Variants in NEK11 observed in about 807,000 individuals in gnomAD.
The protein encoded by NEK11 is serine/threonine-protein kinase Nek11.
Under a neutral mutation model 80.7 loss-of-function variants are expected in NEK11, and 72 were observed. That is an observed-to-expected ratio of 0.89 (90% CI 0.74 to 1.08). The LOEUF (loss-of-function observed/expected upper bound fraction) is 1.08. Ranked by LOEUF, NEK11 falls within the 50% of genes least tolerant of loss-of-function variation. NEK11 has a pLI of 0.00. For missense variants in NEK11, 764 were observed against 763.6 expected (o/e 1.00, Z -0.01); for synonymous variants, 251 against 260.7 (o/e 0.96, Z 0.36).
chr3:131,114,272 A>G (rs2080648717), intron 5 of NEK11, among the ~76,000 whole-genome samples: 1 of 150,306 alleles, frequency 6.7e-6, no homozygotes, highest in South Asian at 2.1e-4. Flanking sequence ...TTTTTTTAGC[A>G]TATGGCATAA....
chr3:131,064,161 A>G (rs543161923), intron 3 of NEK11, among the ~76,000 whole-genome samples: 10 of 152,298 alleles, frequency 6.6e-5, no homozygotes, highest in Admixed American at 3.3e-4. Flanking sequence ...GCCAGGGGCT[A>G]TGGAGAGTGG....
chr3:131,155,583 CT>C (rs1466276393), intron 10 of NEK11, among the ~76,000 whole-genome samples: 1 of 152,176 alleles, frequency 6.6e-6, no homozygotes, highest in Non-Finnish European at 1.5e-5. Flanking sequence ...CACATAAGAA[CT>C]AAACATTGTA....
chr3:131,130,933 C>T (rs1338156672), intron 5 of NEK11, among the ~76,000 whole-genome samples: 1 of 152,160 alleles, frequency 6.6e-6, no homozygotes, highest in Non-Finnish European at 1.5e-5. Context: ...TCACAAGTAG[C>T]TGGGATTACA....
chr3:131,279,711 C>T (rs977446083), intron 17 of NEK11, among the ~76,000 whole-genome samples: 4 of 152,124 alleles, frequency 2.6e-5, no homozygotes, highest in African/African-American at 7.2e-5. Flanking sequence ...GCATCATAGA[C>T]CCCCATTGTA....
Position 131,054,747 on chromosome 3 carries a change from T to TATAAATAA in NEK11, c.170+24869_170+24870insATAAATAA, listed in dbSNP as rs1398638770. On this transcript the variant is annotated intron_variant, in intron 3 of 17. Coordinates refer to ENST00000383366, the MANE Select transcript of NEK11 (RefSeq NM_024800.5). ...ACTCCAGCCTGGGTGACAGCCTGCCTCTAAATAAATAAATAAATAAATAAA... is the reference window on the plus strand; with the variant it reads ...ACTCCAGCCTGGGTGACAGCCTGCCTATAAATAACTAAATAAATAAATAAATAAATAAA... Among the ~76,000 whole-genome samples the TATAAATAA allele has an allele frequency of 1.1e-4, 14 of 124,074 alleles. No individual in the cohort carries two copies. In the East Asian group the frequency reaches 1.4e-3, roughly 12 times the overall value. The allele number at this position is 124,074 out of a possible 152,430, so 81.4% of individuals were successfully genotyped here.
intron 14 of NEK11, among the ~76,000 whole-genome samples, chr3:131,216,239 C>T (rs139717486): frequency 2.6e-5 from 4 of 152,262 alleles, no homozygotes; most frequent in East Asian, 3.9e-4. Flanking sequence ...CTTCCTAGAC[C>T]CAGACCAGGA....
intron 14 of NEK11, among the ~76,000 whole-genome samples, chr3:131,228,224 A>T (rs190394199): frequency 6.6e-6 from 1 of 152,326 alleles, no homozygotes; most frequent in East Asian, 1.9e-4. Context: ...ATTTTTAATA[A>T]GGATTCATGC....
chr3:131,126,395 A>G (rs551041177), intron 5 of NEK11, among the ~76,000 whole-genome samples: 62 of 152,222 alleles, frequency 4.1e-4, no homozygotes, highest in African/African-American at 1.4e-3. Context: ...TTGTTTGAAA[A>G]TGTTTTTATT....
chr3:131,189,996 T>C (rs1264776388), intron 14 of NEK11, among the ~76,000 whole-genome samples: 1 of 152,206 alleles, frequency 6.6e-6, no homozygotes. Flanking sequence ...ACCGTAAGAC[T>C]TTATATCTCT....
intron 4 of NEK11, among the ~76,000 whole-genome samples, chr3:131,081,079 C>T (rs778266904): frequency 2.0e-5 from 3 of 152,170 alleles, no homozygotes; most frequent in Non-Finnish European, 4.4e-5. Context: ...CATCGCTCTC[C>T]AGCCTGGGCG....
At chr3:131,115,383 A>T (rs975719209) in intron 5 of NEK11, among the ~76,000 whole-genome samples, 2 of 152,158 alleles carry the variant, frequency 1.3e-5, no homozygotes, top group Admixed American at 1.3e-4. Context: ...TTCATAATAA[A>T]TCATTTATCA....
At chr3:131,201,418 T>G (rs777763729) in intron 14 of NEK11, among the ~76,000 whole-genome samples, 9 of 152,166 alleles carry the variant, frequency 5.9e-5, no homozygotes, top group Non-Finnish European at 1.2e-4. Context: ...GCTTTATATT[T>G]ATTATATTGC....
At chr3:131,166,882 A>G (rs2092287274) in intron 12 of NEK11, among the ~76,000 whole-genome samples, 1 of 152,022 alleles carries the variant, frequency 6.6e-6, no homozygotes. Context: ...CTTCCCACAC[A>G]CTTCTAGGCC....
At chr3:131,261,258 T>C (rs1005963592) in intron 16 of NEK11, among the ~76,000 whole-genome samples, 2 of 152,332 alleles carry the variant, frequency 1.3e-5, no homozygotes, top group Non-Finnish European at 1.5e-5. Context: ...AATTGCCAAA[T>C]GTGTCTTCGT....
At chr3:131,346,200 T>TA (rs1266586351) in intron 17 of NEK11, among the ~76,000 whole-genome samples, 4 of 152,208 alleles carry the variant, frequency 2.6e-5, no homozygotes, top group Admixed American at 1.3e-4. Flanking sequence ...GTTCTTGTCA[T>TA]AAAAAAGTAA....
chr3:131,156,937 G>A (rs1258649033), intron 10 of NEK11, among the ~76,000 whole-genome samples: 4 of 150,074 alleles, frequency 2.7e-5, no homozygotes, highest in Non-Finnish European at 4.4e-5. Flanking sequence ...AAGAGGCTGT[G>A]AGCATTCCAC....
At chr3:131,085,178 T>C (rs2075809196) in intron 4 of NEK11, among the ~76,000 whole-genome samples, 1 of 152,206 alleles carries the variant, frequency 6.6e-6, no homozygotes, top group South Asian at 2.1e-4. Flanking sequence ...TCTCCTCTAA[T>C]AGGAAAAAAT....
chr3:131,247,571 T>A (rs980810859), intron 16 of NEK11, among the ~76,000 whole-genome samples: 3 of 152,220 alleles, frequency 2.0e-5, no homozygotes, highest in Admixed American at 6.5e-5. Context: ...GCCTCCAGAT[T>A]TATTCTTTTT....
At chr3:131,083,174 T>C (rs1319648204) in intron 4 of NEK11, among the ~76,000 whole-genome samples, 1 of 152,230 alleles carries the variant, frequency 6.6e-6, no homozygotes, top group Admixed American at 6.5e-5. Flanking sequence ...GCATACTGAA[T>C]TTCGAGAATC....
Sources: gnomAD v4.1 joint callset for allele counts (sites outside exome capture counted in the v4.1 genomes callset) on GRCh38, gnomAD v4.1.1 for gene constraint, MANE v1.5 for transcripts, NCBI Gene and HGNC (gene_info 2026-07-23, HGNC 2026-07-21) for gene names.